ADGRL2: variants seen among roughly 807,000 people sequenced by gnomAD.
ADGRL2 encodes adhesion G protein-coupled receptor L2, also known as calcium-independent alpha-latrotoxin receptor 2.
In ADGRL2, 44 loss-of-function variants were observed where a neutral mutation model predicts 157.4. That is an observed-to-expected ratio of 0.28 (90% CI 0.22 to 0.36). ADGRL2 has a LOEUF of 0.36. Ranked by LOEUF, ADGRL2 falls within the 10% of genes least tolerant of loss-of-function variation. The pLI is 1.00. For synonymous variants in ADGRL2, 585 were observed against 624.7 expected, an observed-to-expected ratio of 0.94 and a Z score of 0.95; for missense variants, 1,510 against 1,768.9, an observed-to-expected ratio of 0.85 and a Z score of 2.63.
rs552600847 is a variant in ADGRL2, at chr1:81,580,502, GC to G, written c.-247-372del. ...TTGAACAGGCGTGATGCTAGAGGGG[GC>G]CTTGATGAAGCCAAGGGGGATGTGG... On this transcript the variant is annotated intron_variant, in intron 2 of 24. Coordinates refer to the ADGRL2 transcript ENST00000370721. Among the ~76,000 whole-genome samples the G allele has an allele frequency of 3.2e-3, 490 of 152,126 alleles. 3 individuals are homozygous for G. The highest frequency in any genetic ancestry group is 0.026 in the Admixed American group (393 of 15,264).
chr1:81,536,243 A>C (rs1018256935), intron 2 of ADGRL2, among the ~76,000 whole-genome samples: 4 of 152,174 alleles, frequency 2.6e-5, no homozygotes, highest in South Asian at 2.1e-4. Context: ...ATGATTTTTA[A>C]ATTTTGTATT....
intron 3 of ADGRL2, among the ~76,000 whole-genome samples, chr1:81,639,143 C>T (rs1329819650): frequency 6.6e-6 from 1 of 152,220 alleles, no homozygotes; most frequent in East Asian, 1.9e-4. Flanking sequence ...CATCTCAGCT[C>T]ACTTCAACCT....
chr1:81,671,675 G>A (rs1483788885), intron 3 of ADGRL2, among the ~76,000 whole-genome samples: 2 of 152,092 alleles, frequency 1.3e-5, no homozygotes, highest in Non-Finnish European at 2.9e-5. Context: ...ACCACACCCG[G>A]CTAATTTTTG....
intron 3 of ADGRL2, among the ~76,000 whole-genome samples, chr1:81,655,706 T>A (rs1190509818): frequency 1.3e-5 from 2 of 152,172 alleles, no homozygotes; most frequent in African/African-American, 4.8e-5. Context: ...CCCATTCCTA[T>A]GAGAGGCTGT....
chr1:81,565,150 A>G (rs547007919), intron 2 of ADGRL2, among the ~76,000 whole-genome samples: 173 of 152,330 alleles, frequency 1.1e-3, no homozygotes, highest in African/African-American at 3.9e-3. Context: ...GTTTGAACAC[A>G]GGCAACTGAG....
intron 1 of ADGRL2, chr1:81,722,843 G>A (rs2084380274): frequency 5.7e-6 from 4 of 705,352 alleles, no homozygotes; most frequent in Non-Finnish European, 1.0e-5. Context: ...GGCTTTCCTG[G>A]GGGAAATGCC....
chr1:81,789,297 A>G (rs1313100770), intron 2 of ADGRL2, among the ~76,000 whole-genome samples: 1 of 152,252 alleles, frequency 6.6e-6, no homozygotes, highest in Non-Finnish European at 1.5e-5. Context: ...AATAAGTTCT[A>G]TGATAATCAA....
At chr1:81,764,346 AATTT>A (rs1435369873) in intron 2 of ADGRL2, among the ~76,000 whole-genome samples, 1 of 152,146 alleles carries the variant, frequency 6.6e-6, no homozygotes, top group African/African-American at 2.4e-5. Flanking sequence ...GCTCAAGAGC[AATTT>A]ATTATAGGGC....
rs114590853 is a variant in ADGRL2 at position 81,878,668 on chromosome 1, A to G, written c.74-28349A>G. ...TTATAGTGCCAGAGAGAGATGTTGT[A>G]ATGTGTCCCTTTCAAATTAACAGGT... On this transcript the variant is annotated intron_variant, in intron 2 of 23. Transcript: ENST00000686636. Among the ~76,000 whole-genome samples, 720 of 152,302 alleles carry G rather than the reference A, an allele frequency of 4.7e-3. 5 individuals carry two copies. The highest frequency in any genetic ancestry group is 6.2e-3 in the Non-Finnish European group (425 of 68,010).
intron 2 of ADGRL2, chr1:81,502,911 C>T: frequency 6.2e-7 from 1 of 1,612,972 alleles, no homozygotes; most frequent in Non-Finnish European, 8.5e-7. Flanking sequence ...GCACCAATAC[C>T]AGTAGCCCTC....
In ADGRL2 at chr1:81,670,510, C is replaced by T. The variant is rs576916162; in HGVS notation, c.-143+89530C>T. ...GAAGTCTGAGTGTAGATGTGAGTCT[C>T]TAAGGAAACAGAGCTCCCAGCAGTG... is the stretch of plus-strand genomic sequence containing the variant. On this transcript the variant is annotated intron_variant, in intron 3 of 24. Coordinates refer to the ADGRL2 transcript ENST00000370721. Among the ~76,000 whole-genome samples, 108 of 151,900 alleles carry T rather than the reference C, an allele frequency of 7.1e-4. 2 individuals are homozygous for T. The South Asian group carries it at 0.022, about 30-fold the overall frequency.
At chr1:81,792,178 A>T (rs1360964036) in intron 2 of ADGRL2, among the ~76,000 whole-genome samples, 1 of 152,162 alleles carries the variant, frequency 6.6e-6, no homozygotes, top group Non-Finnish European at 1.5e-5. Context: ...ATTTTGAAAA[A>T]TATGTCAGCC....
intron 1 of ADGRL2, among the ~76,000 whole-genome samples, chr1:81,759,538 A>T (rs957116035): frequency 6.6e-6 from 1 of 152,166 alleles, no homozygotes; most frequent in Non-Finnish European, 1.5e-5. Flanking sequence ...AGAATTCAGG[A>T]CAGTTTGAAT....
intron 1 of ADGRL2, among the ~76,000 whole-genome samples, chr1:81,803,329 G>A (rs2088590795): frequency 6.6e-6 from 1 of 152,096 alleles, no homozygotes; most frequent in Non-Finnish European, 1.5e-5. Flanking sequence ...TCTGCGCTTG[G>A]GACCCGTAAA....
At chr1:81,635,065 A>G (rs1266400176) in intron 3 of ADGRL2, among the ~76,000 whole-genome samples, 1 of 152,198 alleles carries the variant, frequency 6.6e-6, no homozygotes, top group Non-Finnish European at 1.5e-5. Flanking sequence ...GAGAAGGCAG[A>G]TACATAGCCT....
intron 1 of ADGRL2, among the ~76,000 whole-genome samples, chr1:81,364,702 TC>T (rs963007096): frequency 6.6e-6 from 1 of 151,068 alleles, no homozygotes; most frequent in African/African-American, 2.4e-5. Context: ...GGTAATTAAT[TC>T]TTTTTTTTTT....
chr1:81,412,244 G>C (rs2076958318), intron 1 of ADGRL2, among the ~76,000 whole-genome samples: 1 of 152,166 alleles, frequency 6.6e-6, no homozygotes, highest in East Asian at 1.9e-4. Flanking sequence ...CAAAGGCAGT[G>C]CATGTAACCA....
intron 3 of ADGRL2, among the ~76,000 whole-genome samples, chr1:81,629,257 A>C (rs1418644035): frequency 1.3e-5 from 2 of 152,214 alleles, no homozygotes; most frequent in African/African-American, 4.8e-5. Flanking sequence ...GAAGATGATA[A>C]TACCATGCAT....
intron 3 of ADGRL2, among the ~76,000 whole-genome samples, chr1:81,617,844 G>A (rs536644969): frequency 2.0e-5 from 3 of 152,276 alleles, no homozygotes; most frequent in African/African-American, 7.2e-5. Context: ...GCCCTTTGCT[G>A]GGGTCATTGG....
Sources: gnomAD v4.1 joint callset for allele counts (sites outside exome capture counted in the v4.1 genomes callset) on GRCh38, gnomAD v4.1.1 for gene constraint, MANE v1.5 for transcripts, NCBI Gene and HGNC (gene_info 2026-07-23, HGNC 2026-07-21) for gene names.